The following CTTNBP2 variants were observed in gnomAD, a reference collection of about 807,000 sequenced individuals.
The protein encoded by CTTNBP2 is cortactin-binding protein 2.
CTTNBP2 carries 108 observed loss-of-function variants against 156.9 expected under a neutral mutation model. That is an observed-to-expected ratio of 0.69 (90% CI 0.59 to 0.81). The LOEUF (loss-of-function observed/expected upper bound fraction) is 0.81. CTTNBP2 is among the 30% of genes least tolerant of loss of function. The probability of loss-of-function intolerance (pLI) is 0.00; values close to 1 mark genes in which losing one functional copy is unlikely to be tolerated. For missense variants in CTTNBP2, 1,924 were observed against 2,035.4 expected, an observed-to-expected ratio of 0.95 and a Z score of 1.05; for synonymous variants, 767 against 751.8, an observed-to-expected ratio of 1.02 and a Z score of -0.33.
intron 14 of CTTNBP2, among the ~76,000 whole-genome samples, chr7:117,739,107 C>T (rs1006010557): frequency 6.6e-6 from 1 of 152,126 alleles, no homozygotes; most frequent in Non-Finnish European, 1.5e-5. Flanking sequence ...TTCATTAGTA[C>T]CTACTTTTCC....
At chr7:117,747,118 T>A (rs900013158) in intron 12 of CTTNBP2, among the ~76,000 whole-genome samples, 2 of 152,222 alleles carry the variant, frequency 1.3e-5, no homozygotes, top group African/African-American at 4.8e-5. Context: ...CGGAAAGGAC[T>A]TGGACAGGTG....
chr7:117,724,850 T>C, intron 18 of CTTNBP2, 118 bp from the exon 19 acceptor site: 2 of 1,259,434 alleles, frequency 1.6e-6, no homozygotes, highest in Non-Finnish European at 2.2e-6. Context: ...GTATCCAAGC[T>C]GGGGTTTTGT....
chr7:117,834,069 T>TC (rs34031662), intron 2 of CTTNBP2, among the ~76,000 whole-genome samples: 1 of 151,700 alleles, frequency 6.6e-6, no homozygotes, highest in Non-Finnish European at 1.5e-5. Flanking sequence ...TTTTTTTTTT[T>TC]GAAATGTAGT....
chr7:117,724,411 T>C lies in CTTNBP2; in HGVS notation c.4447+136A>G, dbSNP rs75210225. The C allele has an allele frequency of 8.8e-4, 641 of 731,348 alleles. 4 individuals are homozygous for C. In the African/African-American group the frequency reaches 9.9e-3, roughly 11 times the overall value. 45.3% of individuals were successfully genotyped at this position (731,348 alleles called of 1,614,324 possible). On this transcript the variant is annotated intron_variant, in intron 19 of 22. Coordinates refer to ENST00000160373, the MANE Select transcript of CTTNBP2 (RefSeq NM_033427.3). ...TGTACCTACTATATAGTTTATTCCA[T>C]GAAAATGTGCATTAAAATACTTAAA...
chr7:117,779,900 A>G (rs1056311977), intron 7 of CTTNBP2, among the ~76,000 whole-genome samples: 1 of 152,212 alleles, frequency 6.6e-6, no homozygotes, highest in African/African-American at 2.4e-5. Flanking sequence ...AGCTGGGATT[A>G]CAGGCATGCA....
rs565323939 is a variant in CTTNBP2 at position 117,728,598 on chromosome 7, T to C, written c.3877-331A>G. Among the ~76,000 whole-genome samples, 18 of 152,356 alleles carry C rather than the reference T, an allele frequency of 1.2e-4. 1 individual carries two copies. The East Asian group carries it at 3.5e-3, about 29-fold the overall frequency. On this transcript the variant is annotated intron_variant, in intron 16 of 22. Transcript: ENST00000160373. ...TAGTGGCAAAGCCAGGGCTAGAGTC[T>C]ATTTATATTTTTTATTAAGGTATAA... is the stretch of plus-strand genomic sequence containing the variant.
intron 2 of CTTNBP2, among the ~76,000 whole-genome samples, chr7:117,825,754 TGAA>T (rs1384420729): frequency 6.6e-6 from 1 of 152,130 alleles, no homozygotes; most frequent in Non-Finnish European, 1.5e-5. Flanking sequence ...GTTGTTGCTT[TGAA>T]GAAGAAAAAG....
chr7:117,721,018 C>T (rs751699157), intron 20 of CTTNBP2, 49 bp downstream of exon 20: 5 of 1,122,368 alleles, frequency 4.5e-6, no homozygotes, highest in Non-Finnish European at 4.1e-6. Context: ...ATTGAAGTTA[C>T]TTGATTTATC....
At chr7:117,730,331 C>T (rs746763968) in intron 16 of CTTNBP2, among the ~76,000 whole-genome samples, 8 of 152,202 alleles carry the variant, frequency 5.3e-5, no homozygotes, top group Admixed American at 6.5e-5. Context: ...TCCCAACTTC[C>T]GCCCGAGTTT....
chr7:117,759,543 T>C (rs1797073968), intron 10 of CTTNBP2, among the ~76,000 whole-genome samples: 1 of 152,238 alleles, frequency 6.6e-6, no homozygotes, highest in Admixed American at 6.5e-5. Context: ...AAACACTTTC[T>C]GATGTAACAA....
intron 2 of CTTNBP2, among the ~76,000 whole-genome samples, chr7:117,838,769 G>A (rs1802101785): frequency 6.6e-6 from 1 of 151,932 alleles, no homozygotes; most frequent in Admixed American, 6.6e-5. Flanking sequence ...ATAAAATACT[G>A]AAAGAAACCC....
chr7:117,722,541 TAC>T (rs771665893), intron 19 of CTTNBP2, among the ~76,000 whole-genome samples: 5 of 152,308 alleles, frequency 3.3e-5, no homozygotes, highest in East Asian at 3.9e-4. Context: ...TTATTAAAAA[TAC>T]AAATAATTTC....
At chr7:117,729,869 T>A (rs1795310464) in intron 16 of CTTNBP2, among the ~76,000 whole-genome samples, 2 of 152,084 alleles carry the variant, frequency 1.3e-5, no homozygotes, top group African/African-American at 4.8e-5. Context: ...CAGCTGGGTC[T>A]CTCACAGGAT....
chr7:117,814,780 G>A (rs566150268), intron 2 of CTTNBP2, among the ~76,000 whole-genome samples: 10 of 152,278 alleles, frequency 6.6e-5, no homozygotes, highest in Non-Finnish European at 1.3e-4. Flanking sequence ...TAGCCTTTAC[G>A]AAGTATAAAA....
In CTTNBP2 at chr7:117,792,039, G is replaced by C; in HGVS notation, c.1157C>G (p.Pro386Arg). 1.2e-6 allele frequency: 2 copies of C among 1,614,102 alleles called. No homozygotes were observed. Among genetic ancestry groups the C allele is most frequent in the Non-Finnish European group, 1.7e-6 (2 of 1,180,026 alleles). ...PSANKIEENGPSTGSTPDPTS... is the reference protein window; with the variant it reads ...PSANKIEENGRSTGSTPDPTS... ...TGGATCTGGTGTTGAGCCAGTGCTT[G>C]GTCCATTTTCCTCAATTTTGTTTGC... is the stretch of plus-strand genomic sequence containing the variant. Residue 386 changes from proline (P) to arginine (R), a missense_variant, in exon 4 of 23, where the codon CCA becomes CGA. By Grantham distance (103) the Pro-to-Arg change is moderately radical. Coordinates refer to ENST00000160373, the MANE Select transcript of CTTNBP2 (RefSeq NM_033427.3). This position sits in a 1 kb window ranked among gnomAD's most constrained non-coding sequence, Gnocchi z 4.2.
intron 6 of CTTNBP2, 113 bp from the exon 7 acceptor site, chr7:117,780,704 CAATT>C (rs1418021904): frequency 5.8e-6 from 3 of 514,064 alleles, no homozygotes; most frequent in Non-Finnish European, 3.3e-6. Context: ...TTATATACAT[CAATT>C]GTTTCTATTT....
intron 2 of CTTNBP2, among the ~76,000 whole-genome samples, chr7:117,860,073 T>A (rs1803609466): frequency 6.6e-6 from 1 of 152,214 alleles, no homozygotes; most frequent in South Asian, 2.1e-4. Context: ...GATTTTCATA[T>A]GTACATTAAA....
chr7:117,803,936 T>TCAAAAGCC (rs1467826748), intron 3 of CTTNBP2, among the ~76,000 whole-genome samples: 15 of 152,248 alleles, frequency 9.9e-5, no homozygotes, highest in Admixed American at 9.8e-4. Flanking sequence ...TTTTTGATGT[T>TCAAAAGCC]CAAAAGCCTG....
At chr7:117,855,882 C>A (rs1803277265) in intron 2 of CTTNBP2, among the ~76,000 whole-genome samples, 1 of 152,138 alleles carries the variant, frequency 6.6e-6, no homozygotes, top group East Asian at 1.9e-4. Flanking sequence ...TAAACAGATA[C>A]AATTTTGGCA....
Sources: allele counts gnomAD v4.1 joint callset (sites outside exome capture counted in the v4.1 genomes callset), GRCh38; gene constraint gnomAD v4.1.1; non-coding constraint Gnocchi (gnomAD v3.1); transcripts MANE v1.5; gene names NCBI Gene and HGNC (gene_info 2026-07-23, HGNC 2026-07-21).